Variants in RPH3A observed in about 807,000 individuals in gnomAD.
RPH3A encodes rabphilin-3A.
RPH3A carries 48 observed loss-of-function variants against 102.2 expected under a neutral mutation model. That is an observed-to-expected ratio of 0.47 (90% CI 0.37 to 0.60). The LOEUF is 0.60. Ranked by LOEUF, RPH3A falls within the 20% of genes least tolerant of loss-of-function variation. The pLI is 0.00. For synonymous variants in RPH3A, 310 were observed against 324.3 expected, an observed-to-expected ratio of 0.96 and a Z score of 0.47; for missense variants, 781 against 910.1, an observed-to-expected ratio of 0.86 and a Z score of 1.83.
chr12:112,837,028 T>C (rs1163021290), intron 4 of RPH3A, among the ~76,000 whole-genome samples: 1 of 152,240 alleles, frequency 6.6e-6, no homozygotes. Context: ...GTGTTTTTAA[T>C]TGGATTCATT....
At chr12:112,666,528 T>A (rs1372473598) in intron 1 of RPH3A, among the ~76,000 whole-genome samples, 2 of 152,178 alleles carry the variant, frequency 1.3e-5, no homozygotes, top group African/African-American at 4.8e-5. Flanking sequence ...AAAATAGGAC[T>A]GCTTTAGTTC....
intron 1 of RPH3A, among the ~76,000 whole-genome samples, chr12:112,653,806 C>A (rs368122305): frequency 1.3e-5 from 2 of 152,144 alleles, no homozygotes; most frequent in Admixed American, 6.5e-5. Context: ...AAATCACAAA[C>A]ACATTGTACA....
At chr12:112,589,684 C>T (rs2039463007) in intron 1 of RPH3A, among the ~76,000 whole-genome samples, 1 of 152,226 alleles carries the variant, frequency 6.6e-6, no homozygotes, top group African/African-American at 2.4e-5. Flanking sequence ...GTTCATTCGT[C>T]TCTTGTCTGT....
Position 112,897,851 on chromosome 12 carries a change from T to C in RPH3A, c.*1071T>C, listed in dbSNP as rs2136279808. The C allele has an allele frequency of 6.6e-6, 1 of 152,298 alleles. No individual in the cohort carries two copies. The highest frequency in any genetic ancestry group is 1.5e-5 in the Non-Finnish European group (1 of 68,040). 9.4% of individuals were successfully genotyped at this position (152,298 alleles called of 1,614,324 possible). A position where few individuals can be genotyped will look rare whatever the true frequency, so the allele number is the denominator to read the frequency against. On this transcript the variant is annotated 3_prime_UTR_variant, in exon 22 of 22. Transcript: ENST00000389385. The stretch of plus-strand genomic sequence containing the variant: ...GCTGTGTAGATGCCCCATAGAGGAC[T>C]CTCTCATCCGTGGGCTCCCCGGGTG...
At chr12:112,849,876 G>A (rs2042294107) in intron 5 of RPH3A, among the ~76,000 whole-genome samples, 1 of 152,186 alleles carries the variant, frequency 6.6e-6, no homozygotes, top group Non-Finnish European at 1.5e-5. Context: ...ACTATTCCTT[G>A]TCCAGTCAAC....
chr12:112,735,959 A>T (rs2040666631), intron 1 of RPH3A, among the ~76,000 whole-genome samples: 1 of 152,152 alleles, frequency 6.6e-6, no homozygotes, highest in Non-Finnish European at 1.5e-5. Context: ...ACATCCTGAG[A>T]CATGTTCTCT....
intron 1 of RPH3A, among the ~76,000 whole-genome samples, chr12:112,749,541 A>C (rs1479445298): frequency 6.6e-6 from 1 of 152,220 alleles, no homozygotes; most frequent in Non-Finnish European, 1.5e-5. Context: ...TCTGAGGTAG[A>C]AATCTGCCTG....
intron 1 of RPH3A, among the ~76,000 whole-genome samples, chr12:112,641,707 A>C (rs2039892197): frequency 6.6e-6 from 1 of 152,124 alleles, no homozygotes; most frequent in Non-Finnish European, 1.5e-5. Context: ...TGAAGGTTGG[A>C]ATCTTAATCT....
chr12:112,725,136 C>A (rs180725289), intron 1 of RPH3A, among the ~76,000 whole-genome samples: 1 of 151,144 alleles, frequency 6.6e-6, no homozygotes, highest in East Asian at 2.0e-4. Context: ...GTAATCCCAG[C>A]TACTTGGGAG....
At chr12:112,693,859 A>C (rs150300702) in intron 1 of RPH3A, among the ~76,000 whole-genome samples, 9 of 152,346 alleles carry the variant, frequency 5.9e-5, no homozygotes, top group African/African-American at 2.2e-4. Flanking sequence ...TCTTGTTGGA[A>C]CATAAGCTTC....
intron 1 of RPH3A, among the ~76,000 whole-genome samples, chr12:112,621,734 T>C (rs2039728515): frequency 6.6e-6 from 1 of 152,114 alleles, no homozygotes; most frequent in Non-Finnish European, 1.5e-5. Flanking sequence ...CCTGCCACTG[T>C]AGGCTTCACC....
chr12:112,689,180 T>C (rs1350385228), intron 1 of RPH3A, among the ~76,000 whole-genome samples: 1 of 152,164 alleles, frequency 6.6e-6, no homozygotes, highest in African/African-American at 2.4e-5. Context: ...ACTAAAGTGA[T>C]CCATGTGTAA....
intron 17 of RPH3A, among the ~76,000 whole-genome samples, chr12:112,888,520 A>G (rs1185434429): frequency 6.6e-6 from 1 of 152,192 alleles, no homozygotes; most frequent in Non-Finnish European, 1.5e-5. Context: ...TCGGGTGTGA[A>G]TCCTGGCTCT....
chr12:112,883,417 G>C lies in RPH3A; in HGVS notation c.1436+15G>C. The C allele has an allele frequency of 6.3e-7, 1 of 1,594,188 alleles. No homozygotes were observed. Among genetic ancestry groups the C allele is most frequent in the Non-Finnish European group, 8.6e-7 (1 of 1,162,828 alleles). On this transcript the variant is annotated intron_variant, in intron 16 of 21. Coordinates refer to ENST00000389385, the MANE Select transcript of RPH3A (RefSeq NM_001143854.2). Reference sequence around the variant, plus strand: ...AAGACCCTCAGGTACCTGGCAGGCAGAGGGCAGAGAGGGAGGCAAAGGGGA... The same window carrying C: ...AAGACCCTCAGGTACCTGGCAGGCACAGGGCAGAGAGGGAGGCAAAGGGGA...
intron 16 of RPH3A, among the ~76,000 whole-genome samples, chr12:112,884,998 C>T (rs987437712): frequency 3.9e-5 from 6 of 152,272 alleles, no homozygotes; most frequent in South Asian, 2.1e-4. Flanking sequence ...TATATTCTTT[C>T]ATTTAACATT....
At chr12:112,813,807 A>G (rs2041623864) in intron 2 of RPH3A, among the ~76,000 whole-genome samples, 1 of 152,260 alleles carries the variant, frequency 6.6e-6, no homozygotes, top group Non-Finnish European at 1.5e-5. Context: ...TAATTTGCCC[A>G]GGCTCAGACA....
intron 1 of RPH3A, among the ~76,000 whole-genome samples, chr12:112,587,276 T>C (rs1052292787): frequency 6.6e-6 from 1 of 152,198 alleles, no homozygotes; most frequent in Non-Finnish European, 1.5e-5. Flanking sequence ...GTAATAAAAA[T>C]ACATATCAGT....
rs572275071 is a variant in RPH3A at position 112,649,792 on chromosome 12, G to A, written c.-140+74473G>A. On this transcript the variant is annotated intron_variant, in intron 1 of 21. Transcript: ENST00000543106. Reference sequence around the variant, plus strand: ...CTGGAGGCTGAAAGTCCAAGATCAAGGTGTCAGCAGGGTTGGTTTCTCCTG... The same window carrying A: ...CTGGAGGCTGAAAGTCCAAGATCAAAGTGTCAGCAGGGTTGGTTTCTCCTG... Among the ~76,000 whole-genome samples the A allele has an allele frequency of 2.3e-3, 355 of 152,276 alleles. 2 individuals carry two copies. The highest frequency in any genetic ancestry group is 3.7e-3 in the Non-Finnish European group (254 of 68,016).
At chr12:112,673,538 T>TAAAA (rs200882591) in intron 1 of RPH3A, among the ~76,000 whole-genome samples, 67 of 144,502 alleles carry the variant, frequency 4.6e-4, no homozygotes, top group Admixed American at 3.6e-3. Context: ...TTTTAAAAAC[T>TAAAA]AAAAAAAAAA....
Sources: gnomAD v4.1 joint callset for allele counts (sites outside exome capture counted in the v4.1 genomes callset) on GRCh38, gnomAD v4.1.1 for gene constraint, MANE v1.5 for transcripts, NCBI Gene and HGNC (gene_info 2026-07-23, HGNC 2026-07-21) for gene names.